Variants in FBXL2 observed in about 807,000 individuals in gnomAD.
FBXL2 encodes the protein F-box/LRR-repeat protein 2.
Under a neutral mutation model 69.2 loss-of-function variants are expected in FBXL2, and 38 were observed. That is an observed-to-expected ratio of 0.55 (90% confidence interval 0.42 to 0.72). The LOEUF (loss-of-function observed/expected upper bound fraction) is 0.72, where lower values mean the gene tolerates loss of function less well. Among genes scored for constraint, FBXL2 ranks in the 30% least tolerant of loss-of-function variants. The probability of loss-of-function intolerance (pLI) is 0.00; values close to 1 mark genes in which losing one functional copy is unlikely to be tolerated. For synonymous variants in FBXL2, 192 were observed against 201.3 expected (o/e 0.95, Z 0.39); for missense variants, 354 against 520.3 (o/e 0.68, Z 3.11).
chr3:33,360,588 T>C (rs2041540448), intron 4 of FBXL2, among the ~76,000 whole-genome samples: 1 of 152,230 alleles, frequency 6.6e-6, no homozygotes, highest in South Asian at 2.1e-4. Context: ...CACTGTAGTT[T>C]CTGAATTAGG....
At chr3:33,379,503 C>T (rs907071539) in intron 13 of FBXL2, among the ~76,000 whole-genome samples, 1 of 150,980 alleles carries the variant, frequency 6.6e-6, no homozygotes, top group South Asian at 2.1e-4. Flanking sequence ...TACAGGCGTG[C>T]ACCACCACGC....
rs1426146076 is a variant in FBXL2 at position 33,387,668 on chromosome 3, G to A, written c.*2060G>A. Reference sequence around the variant, plus strand: ...CCACCAGAGCCTTCTATACATGATTGATTTCTTTTGAGCCAGGATACAACC... The same window carrying A: ...CCACCAGAGCCTTCTATACATGATTAATTTCTTTTGAGCCAGGATACAACC... On this transcript the variant is annotated 3_prime_UTR_variant, in exon 15 of 15. Transcript: ENST00000484457. The A allele has an allele frequency of 6.6e-6, 1 of 152,164 alleles. No homozygotes were observed. The highest frequency in any genetic ancestry group is 1.5e-5 in the Non-Finnish European group (1 of 68,082). The allele number at this position is 152,164 out of a possible 1,614,324, so 9.4% of individuals were successfully genotyped here. A position where few individuals can be genotyped will look rare whatever the true frequency, so the allele number is the denominator to read the frequency against.
At chr3:33,379,404 G>T (rs1218804646) in intron 13 of FBXL2, among the ~76,000 whole-genome samples, 1 of 152,060 alleles carries the variant, frequency 6.6e-6, no homozygotes, top group Non-Finnish European at 1.5e-5. Context: ...ACCCAGGCTG[G>T]ACTGCAGTGG....
At position 33,402,927 on chromosome 3, in the gene FBXL2, A is replaced by G. The variant is rs1230839945; in HGVS notation, n.1215-307A>G. ...ACACTAAGGACAGAAACAGAAATAA[A>G]TTAGTGATATGCTTTTAAAATATGT... On this transcript the variant is annotated intron_variant and non_coding_transcript_variant, in intron 12 of 12. Coordinates refer to the FBXL2 transcript ENST00000463736. 5 of 1,552,624 alleles carry G rather than the reference A, an allele frequency of 3.2e-6. No homozygotes were observed. In the East Asian group the frequency reaches 9.1e-5, roughly 28 times the overall value.
At chr3:33,341,954 G>T (rs899596007) in intron 2 of FBXL2, among the ~76,000 whole-genome samples, 34 of 150,454 alleles carry the variant, frequency 2.3e-4, no homozygotes, top group African/African-American at 7.8e-4. Context: ...TAAGTCATTG[G>T]TCTATACATT....
chr3:33,388,505 A>AT (rs1355471533), downstream of FBXL2: 1 of 152,616 alleles, frequency 6.6e-6, no homozygotes. Flanking sequence ...GCATCTAAGT[A>AT]TTTTTACCCC....
chr3:33,291,720 CAG>C (rs2035241660), intron 1 of FBXL2, among the ~76,000 whole-genome samples: 1 of 151,642 alleles, frequency 6.6e-6, no homozygotes. Context: ...GTGAAGGAAA[CAG>C]AATGAATATC....
At chr3:33,277,321 C>T (rs2033369454), upstream of FBXL2, 2 of 436,548 alleles carry the variant, frequency 4.6e-6, no homozygotes, top group Non-Finnish European at 7.7e-6. Flanking sequence ...GGCCCAGTTC[C>T]AGGGCCGGGG....
intron 2 of FBXL2, among the ~76,000 whole-genome samples, chr3:33,346,887 T>C (rs2154033183): frequency 6.6e-6 from 1 of 152,304 alleles, no homozygotes; most frequent in Middle Eastern, 3.4e-3. Context: ...ATGAGATACT[T>C]TGATACAGGC....
At chr3:33,316,653 A>C (rs2037723132) in intron 2 of FBXL2, among the ~76,000 whole-genome samples, 1 of 152,130 alleles carries the variant, frequency 6.6e-6, no homozygotes, top group African/African-American at 2.4e-5. Flanking sequence ...TCCCTCCTGC[A>C]TAGACACTGA....
chr3:33,353,397 G>A (rs1162082165), intron 2 of FBXL2, among the ~76,000 whole-genome samples: 1 of 152,168 alleles, frequency 6.6e-6, no homozygotes, highest in Admixed American at 6.5e-5. Flanking sequence ...TGCAATAGGC[G>A]AATGGATAAA....
intron 12 of FBXL2, chr3:33,396,403 TATAC>T (rs2043998085): frequency 2.9e-6 from 2 of 693,810 alleles, no homozygotes; most frequent in Non-Finnish European, 4.7e-6. Context: ...GTTATTTCGT[TATAC>T]AAAGTAATTT....
intron 2 of FBXL2, among the ~76,000 whole-genome samples, chr3:33,344,972 C>T (rs765064632): frequency 2.0e-5 from 3 of 152,202 alleles, no homozygotes; most frequent in South Asian, 2.1e-4. Flanking sequence ...AAAGCAACCT[C>T]CATGCCCAGA....
At chr3:33,329,105 A>C (rs2038953127) in intron 2 of FBXL2, among the ~76,000 whole-genome samples, 2 of 152,172 alleles carry the variant, frequency 1.3e-5, no homozygotes, top group African/African-American at 4.8e-5. Context: ...CAGGCCAGAG[A>C]TCTGAATAGA....
At chr3:33,353,945 G>A (rs189182084) in intron 2 of FBXL2, among the ~76,000 whole-genome samples, 1 of 152,132 alleles carries the variant, frequency 6.6e-6, no homozygotes, top group African/African-American at 2.4e-5. Context: ...GGGATGAATA[G>A]GTGAAACATG....
intron 2 of FBXL2, among the ~76,000 whole-genome samples, chr3:33,338,967 A>G (rs1175561998): frequency 6.6e-6 from 1 of 152,218 alleles, no homozygotes; most frequent in Non-Finnish European, 1.5e-5. Flanking sequence ...AGCAAAAGAA[A>G]CTATCAACAG....
intron 12 of FBXL2, chr3:33,398,008 G>A (rs2044074732): frequency 2.0e-5 from 3 of 152,230 alleles, no homozygotes; most frequent in African/African-American, 4.8e-5. Context: ...ACAGAAGGCA[G>A]GAGAGGAAAT....
At chr3:33,339,240 C>A (rs2039828198) in intron 2 of FBXL2, among the ~76,000 whole-genome samples, 1 of 152,152 alleles carries the variant, frequency 6.6e-6, no homozygotes. Flanking sequence ...TACCATCTCA[C>A]ACCAGTCAGA....
chr3:33,286,490 C>T (rs1235412141), intron 1 of FBXL2, among the ~76,000 whole-genome samples: 3 of 152,200 alleles, frequency 2.0e-5, no homozygotes, highest in East Asian at 1.9e-4. Flanking sequence ...GGGTCAGGGA[C>T]CCACTTGAGG....
Sources: allele counts gnomAD v4.1 joint callset (sites outside exome capture counted in the v4.1 genomes callset), GRCh38; gene constraint gnomAD v4.1.1; transcripts MANE v1.5; gene names NCBI Gene and HGNC (gene_info 2026-07-23, HGNC 2026-07-21).